The following NEK4 variants were observed in gnomAD, a reference collection of about 807,000 sequenced individuals.
NEK4 encodes the protein serine/threonine-protein kinase Nek4.
In NEK4, 86 loss-of-function variants were observed where a neutral mutation model predicts 98.4. That is an observed-to-expected ratio of 0.87 (90% CI 0.73 to 1.05). NEK4 has a LOEUF of 1.05. Ranked by LOEUF, NEK4 falls within the 50% of genes least tolerant of loss-of-function variation. NEK4 has a pLI of 0.00. For synonymous variants in NEK4, 328 were observed against 342.2 expected (o/e 0.96, Z 0.46); for missense variants, 898 against 950.3 (o/e 0.94, Z 0.72).
At chr3:52,748,028 C>T (rs1578670235) in intron 8 of NEK4, among the ~76,000 whole-genome samples, 2 of 152,058 alleles carry the variant, frequency 1.3e-5, no homozygotes, top group African/African-American at 2.4e-5. Context: ...GGCGCGATCT[C>T]GGCTCACTGC....
chr3:52,737,640 C>G lies in NEK4; in HGVS notation c.2379G>C (p.Gln793His). Reference sequence around the variant, plus strand: ...AAAGATCATACACCTGCTCTAAAAGCTGAACTCCCAGGCCACGAATTACAT... The same window carrying G: ...AAAGATCATACACCTGCTCTAAAAGGTGAACTCCCAGGCCACGAATTACAT... ...RTDVIRGLGV[Q>H]LLEQVYDLLE... The change falls in exon 15 of 16, where the codon CAG becomes CAC. Residue 793 changes from glutamine to histidine, a missense_variant. Gln to His is a conservative substitution (Grantham distance 24). Transcript: ENST00000233027. The G allele has an allele frequency of 6.2e-7, 1 of 1,613,934 alleles. No individual in the cohort carries two copies. Among genetic ancestry groups the G allele is most frequent in the Non-Finnish European group, 8.5e-7 (1 of 1,179,864 alleles).
In NEK4 at chr3:52,752,931, T is replaced by TACACACACACACACACACACACAC. The variant is rs1193888628; in HGVS notation, c.964-596_964-595insGTGTGTGTGTGTGTGTGTGTGTGT. Among the ~76,000 whole-genome samples the TACACACACACACACACACACACAC allele has an allele frequency of 2.7e-3, 148 of 55,760 alleles. 1 individual carries two copies. The highest frequency in any genetic ancestry group is 8.3e-3 in the African/African-American group (128 of 15,470). 36.6% of individuals were successfully genotyped at this position (55,760 alleles called of 152,430 possible). ...AAAAAAAAAAAAATATATATATATA[T>TACACACACACACACACACACACAC]ATACACACACACACACACACACAAT... On this transcript the variant is annotated intron_variant, in intron 6 of 15. Coordinates refer to ENST00000233027, the MANE Select transcript of NEK4 (RefSeq NM_003157.6).
At chr3:52,726,869 A>G (rs1326221577) in intron 15 of NEK4, among the ~76,000 whole-genome samples, 1 of 151,642 alleles carries the variant, frequency 6.6e-6, no homozygotes, top group Non-Finnish European at 1.5e-5. Flanking sequence ...GCGCCATTGC[A>G]CTCCAGCCTG....
chr3:52,770,766 A>G lies in NEK4; in HGVS notation c.-20T>C. On this transcript the variant is annotated 5_prime_UTR_variant, in exon 1 of 16. Transcript: ENST00000233027. ...GGGCATGTTCCCAGCGCTGGCCCAG[A>G]GTCGGGATGCGGCGGCAGCGGCGGG... is the stretch of plus-strand genomic sequence containing the variant. 2 of 1,550,492 alleles carry G rather than the reference A, an allele frequency of 1.3e-6. No homozygotes were observed. Among genetic ancestry groups the G allele is most frequent in the Non-Finnish European group, 1.7e-6 (2 of 1,147,888 alleles).
intron 15 of NEK4, chr3:52,732,814 G>A (rs560483936): frequency 1.3e-5 from 3 of 239,012 alleles, no homozygotes; most frequent in African/African-American, 6.9e-5. Context: ...CAGATGGCAG[G>A]GAATGCATCA....
At chr3:52,751,455 C>CAAA (rs11426928) in intron 7 of NEK4, among the ~76,000 whole-genome samples, 51 of 125,582 alleles carry the variant, frequency 4.1e-4, no homozygotes, top group Middle Eastern at 4.3e-3. Flanking sequence ...GACTCTGTCT[C>CAAA]AAAAAAAAAA....
intron 2 of NEK4, among the ~76,000 whole-genome samples, chr3:52,767,911 T>TA (rs925895298): frequency 4.6e-5 from 7 of 151,878 alleles, no homozygotes; most frequent in Non-Finnish European, 7.4e-5. Flanking sequence ...TTCTAAAAAA[T>TA]AAAAAAAAGA....
At position 52,746,910 on chromosome 3, in the gene NEK4, A is replaced by C. The variant is rs560012780; in HGVS notation, c.1507-6T>G. The C allele has an allele frequency of 1.2e-6, 2 of 1,607,806 alleles. No individual in the cohort carries two copies. The highest frequency in any genetic ancestry group is 4.5e-5 in the East Asian group (2 of 44,812). ...CATTCACCAGCAACTTGATCCTTAA[A>C]AACAATAAAATGACATTTTAAAGTA... On this transcript the variant is annotated splice_region_variant and splice_polypyrimidine_tract_variant and intron_variant, in intron 8 of 15. Coordinates refer to ENST00000233027, the MANE Select transcript of NEK4 (RefSeq NM_003157.6).
At chr3:52,742,974 A>G (rs1397353721) in intron 12 of NEK4, among the ~76,000 whole-genome samples, 2 of 151,914 alleles carry the variant, frequency 1.3e-5, no homozygotes, top group Non-Finnish European at 2.9e-5. Flanking sequence ...TCTTAGAGAC[A>G]GGGTCCAACT....
At chr3:52,737,460 A>T in intron 15 of NEK4, 126 bp downstream of exon 15, 1 of 972,684 alleles carries the variant, frequency 1.0e-6, no homozygotes. Flanking sequence ...AATGTTGTAA[A>T]CACATTAAAA....
intron 15 of NEK4, among the ~76,000 whole-genome samples, chr3:52,712,317 G>A (rs1561279285): frequency 6.6e-6 from 1 of 152,200 alleles, no homozygotes; most frequent in Non-Finnish European, 1.5e-5. Context: ...GGCGTGCAAT[G>A]GGGGTGTGGC....
intron 15 of NEK4, among the ~76,000 whole-genome samples, chr3:52,734,049 T>G (rs1189914305): frequency 6.6e-6 from 1 of 152,028 alleles, no homozygotes; most frequent in Non-Finnish European, 1.5e-5. Flanking sequence ...ATAATATATA[T>G]AAAAATAATA....
intron 4 of NEK4, among the ~76,000 whole-genome samples, chr3:52,764,832 A>G (rs1042687041): frequency 2.6e-5 from 4 of 152,044 alleles, no homozygotes; most frequent in Admixed American, 6.5e-5. Context: ...AAAGACAGGA[A>G]AAAACCAGAA....
chr3:52,717,094 G>A (rs1358265566), intron 15 of NEK4, among the ~76,000 whole-genome samples: 1 of 152,054 alleles, frequency 6.6e-6, no homozygotes, highest in East Asian at 1.9e-4. Context: ...TTCTACTTTG[G>A]GTACAGGACT....
chr3:52,768,203 G>T, intron 2 of NEK4, 135 bp downstream of exon 2: 1 of 736,706 alleles, frequency 1.4e-6, no homozygotes, highest in Non-Finnish European at 2.3e-6. Context: ...AGAGTGACTG[G>T]GTCAACTTCA....
chr3:52,727,053 C>A (rs2097365285), intron 15 of NEK4, among the ~76,000 whole-genome samples: 1 of 149,044 alleles, frequency 6.7e-6, no homozygotes, highest in Non-Finnish European at 1.5e-5. Context: ...TAGCTCACCA[C>A]AACCTCTGCC....
chr3:52,719,912 CAG>C (rs1231917340), intron 15 of NEK4, among the ~76,000 whole-genome samples: 1 of 152,006 alleles, frequency 6.6e-6, no homozygotes, highest in Non-Finnish European at 1.5e-5. Context: ...GAAAAATGAA[CAG>C]AGACTCAGAG....
rs1698671867 is a variant in NEK4 at position 52,768,714 on chromosome 3, T to C, written c.94-110A>G. ...CCCTCAAAACCAACCTTGTGGAGCC[T>C]GTCAGATAACCTATTCATTTTGTTT... On this transcript the variant is annotated intron_variant, in intron 1 of 15. Coordinates refer to ENST00000233027, the MANE Select transcript of NEK4 (RefSeq NM_003157.6). 4 of 914,430 alleles carry C rather than the reference T, an allele frequency of 4.4e-6. No homozygotes were observed. The South Asian group carries it at 4.8e-5, about 11-fold the overall frequency. 56.6% of individuals were successfully genotyped at this position (914,430 alleles called of 1,614,324 possible).
intron 15 of NEK4, among the ~76,000 whole-genome samples, chr3:52,712,383 G>GAACCT (rs1230205392): frequency 1.5e-3 from 236 of 152,310 alleles, no homozygotes; most frequent in Admixed American, 2.9e-3. Flanking sequence ...AGACAGGCAG[G>GAACCT]CTGTGGGGCT....
Sources: allele counts gnomAD v4.1 joint callset (sites outside exome capture counted in the v4.1 genomes callset), GRCh38; gene constraint gnomAD v4.1.1; transcripts MANE v1.5; gene names NCBI Gene and HGNC (gene_info 2026-07-23, HGNC 2026-07-21).